The following EPS15L1 variants were observed in gnomAD, a reference collection of about 807,000 sequenced individuals.
EPS15L1 encodes epidermal growth factor receptor pathway substrate 15 like 1.
In EPS15L1, 43 loss-of-function variants were observed where a neutral mutation model predicts 117.1. The observed-to-expected ratio is 0.37, with a 90% CI of 0.29 to 0.47. EPS15L1 has a LOEUF of 0.47. Among genes scored for constraint, EPS15L1 ranks in the 20% least tolerant of loss-of-function variants. The probability of loss-of-function intolerance (pLI) is 0.99; values close to 1 mark genes in which losing one functional copy is unlikely to be tolerated. For synonymous variants in EPS15L1, 459 were observed against 470.5 expected, an observed-to-expected ratio of 0.98 and a Z score of 0.32; for missense variants, 981 against 1,164.0, an observed-to-expected ratio of 0.84 and a Z score of 2.29.
chr19:16,460,940 G>A (rs1488346261), intron 1 of EPS15L1, among the ~76,000 whole-genome samples: 5 of 152,196 alleles, frequency 3.3e-5, no homozygotes, highest in African/African-American at 1.2e-4. Context: ...CCTTTGGAGA[G>A]TGTGAAATGA....
chr19:16,412,966 C>G, intron 13 of EPS15L1: 1 of 670,070 alleles, frequency 1.5e-6, no homozygotes, highest in South Asian at 1.4e-5. Flanking sequence ...ATCAAGGAAT[C>G]TGAGATCATT....
At chr19:16,392,467 A>C (rs2092487849) in intron 18 of EPS15L1, 27 bp from the exon 19 acceptor site, 1 of 1,607,178 alleles carries the variant, frequency 6.2e-7, no homozygotes. Flanking sequence ...CCCATAAGTA[A>C]ACATTATACC....
chr19:16,368,549 G>A (rs892160984), intron 22 of EPS15L1, among the ~76,000 whole-genome samples: 5 of 143,750 alleles, frequency 3.5e-5, no homozygotes, highest in African/African-American at 1.3e-4. Flanking sequence ...CGTTCATCCT[G>A]CACAACATGC....
At position 16,385,188 on chromosome 19, in the gene EPS15L1, A is replaced by C. The variant is rs577517420; in HGVS notation, c.2188T>G (p.Phe730Val). Residue 730 changes from phenylalanine (F) to valine (V), a missense_variant, in exon 21 of 24, where the codon TTC (phenylalanine) becomes GTC (valine). By Grantham distance (50) the Phe-to-Val change is conservative (BLOSUM62 -1). Transcript: ENST00000455140. ...GSDPFGTLDP[F>V]GSGSFNSAEG... ...GCACTATTGAAGGACCCACTTCCGA[A>C]GGGATCTAAGGTTCCAAAGGGATCT... 1.3e-5 allele frequency: 21 copies of C among 1,614,148 alleles called. No homozygotes were observed. The highest frequency in any genetic ancestry group is 6.7e-5 in the Admixed American group (4 of 60,026).
chr19:16,421,351 C>T lies in EPS15L1; in HGVS notation c.918G>A (p.Ser306=), dbSNP rs777537664. The T allele has an allele frequency of 9.9e-6, 16 of 1,613,236 alleles. No homozygotes were observed. Among genetic ancestry groups the T allele is most frequent in the South Asian group, 2.2e-5 (2 of 91,064 alleles). ...GTGCTAGAAGGTTCTGGGTGAGGCCCGAGTGCATGAAGATCTCCTTCACCT... is the reference window on the plus strand; with the variant it reads ...GTGCTAGAAGGTTCTGGGTGAGGCCTGAGTGCATGAAGATCTCCTTCACCT... The part of the protein sequence containing the change: ...GQEVKEIFMH[S]GLTQNLLAHI... The change falls in exon 10 of 24, where the codon TCG becomes TCA. Residue 306 remains serine (S), a synonymous_variant. Transcript: ENST00000455140.
chr19:16,378,529 C>T (rs2092324069), intron 21 of EPS15L1, among the ~76,000 whole-genome samples: 1 of 152,200 alleles, frequency 6.6e-6, no homozygotes, highest in African/African-American at 2.4e-5. Context: ...GGGCTGCTTC[C>T]TGCCACCCAC....
At chr19:16,465,705 G>C (rs2145201066) in intron 1 of EPS15L1, among the ~76,000 whole-genome samples, 1 of 152,212 alleles carries the variant, frequency 6.6e-6, no homozygotes, top group South Asian at 2.1e-4. Context: ...AAGACAATAA[G>C]CAGGCCTTTC....
chr19:16,375,500 G>C (rs1430583028), intron 22 of EPS15L1, among the ~76,000 whole-genome samples: 1 of 151,722 alleles, frequency 6.6e-6, no homozygotes, highest in Admixed American at 6.6e-5. Context: ...GTGTGCTTCT[G>C]CTCCCATCTT....
intron 21 of EPS15L1, among the ~76,000 whole-genome samples, chr19:16,380,449 G>A (rs755630724): frequency 1.1e-4 from 17 of 151,874 alleles, no homozygotes; most frequent in Admixed American, 2.0e-4. Context: ...CAATGCAGCC[G>A]TCTAAGGCTC....
intron 6 of EPS15L1, among the ~76,000 whole-genome samples, chr19:16,436,219 C>T (rs2092976830): frequency 6.6e-6 from 1 of 152,138 alleles, no homozygotes; most frequent in African/African-American, 2.4e-5. Context: ...TATTTGAGAG[C>T]AAGAGTGTTA....
chr19:16,378,128 A>G (rs886294812), intron 21 of EPS15L1, among the ~76,000 whole-genome samples: 4 of 151,818 alleles, frequency 2.6e-5, no homozygotes, highest in African/African-American at 9.7e-5. Context: ...GGATGGATGG[A>G]TGGATGGGCA....
At chr19:16,391,760 G>A (rs1205316116) in intron 19 of EPS15L1, among the ~76,000 whole-genome samples, 3 of 152,064 alleles carry the variant, frequency 2.0e-5, no homozygotes, top group African/African-American at 4.8e-5. Flanking sequence ...AAACTGGAGG[G>A]TCAGAGTTGG....
intron 1 of EPS15L1, among the ~76,000 whole-genome samples, chr19:16,461,700 C>A (rs2093254022): frequency 6.6e-6 from 1 of 152,196 alleles, no homozygotes; most frequent in Admixed American, 6.5e-5. Context: ...TTGTTGATGT[C>A]ACTTACACAA....
At chr19:16,460,117 T>G (rs765787759) in intron 1 of EPS15L1, among the ~76,000 whole-genome samples, 1 of 151,914 alleles carries the variant, frequency 6.6e-6, no homozygotes, top group Non-Finnish European at 1.5e-5. Flanking sequence ...CCTACAAAAA[T>G]TAAAAATCAG....
At position 16,383,388 on chromosome 19, in the gene EPS15L1, G is replaced by C. The variant is rs1031866169; in HGVS notation, c.2247+1741C>G. On this transcript the variant is annotated intron_variant, in intron 21 of 23. Coordinates refer to ENST00000455140, the MANE Select transcript of EPS15L1 (RefSeq NM_001258374.3). This position sits in a 1 kb window ranked among gnomAD's most constrained non-coding sequence, Gnocchi z 5.2. ...GGAAGACAGATCCAGCCTCCCAAAGGAAGAGGAGTCCACTTGCGACAACCA... is the reference window on the plus strand; with the variant it reads ...GGAAGACAGATCCAGCCTCCCAAAGCAAGAGGAGTCCACTTGCGACAACCA... The C allele has an allele frequency of 1.3e-5, 2 of 152,186 alleles. No individual in the cohort carries two copies. Among genetic ancestry groups the C allele is most frequent in the African/African-American group, 2.4e-5 (1 of 41,442 alleles). 9.4% of individuals were successfully genotyped at this position (152,186 alleles called of 1,614,324 possible).
intron 13 of EPS15L1, among the ~76,000 whole-genome samples, chr19:16,410,681 AG>A (rs1414569404): frequency 2.0e-5 from 3 of 152,196 alleles, no homozygotes; most frequent in Non-Finnish European, 4.4e-5. Context: ...AGGCCGAGGC[AG>A]GCAGATTGCT....
chr19:16,426,485 A>T (rs1032139871), intron 8 of EPS15L1, among the ~76,000 whole-genome samples: 1 of 152,180 alleles, frequency 6.6e-6, no homozygotes, highest in African/African-American at 2.4e-5. Context: ...AATTCAAAAA[A>T]AAAATTAGCT....
At position 16,444,562 on chromosome 19, in the gene EPS15L1, T is replaced by G. The variant is rs536073295; in HGVS notation, c.34-2343A>C. Among the ~76,000 whole-genome samples, 13 of 152,256 alleles carry G rather than the reference T, an allele frequency of 8.5e-5. No homozygotes were observed. The East Asian group carries it at 2.5e-3, about 29-fold the overall frequency. ...AGAAAGGAGGCCAAGGCAGGCAGGC[T>G]GTTTGTCATCTGTCAGTAAAGGTGA... is the stretch of plus-strand genomic sequence containing the variant. On this transcript the variant is annotated intron_variant, in intron 1 of 23. Coordinates refer to ENST00000455140, the MANE Select transcript of EPS15L1 (RefSeq NM_001258374.3).
chr19:16,403,638 C>T (rs1599588151), intron 15 of EPS15L1, 95 bp downstream of exon 15: 1 of 1,210,650 alleles, frequency 8.3e-7, no homozygotes, highest in Non-Finnish European at 1.2e-6. Flanking sequence ...ACGTAAGTAA[C>T]AAGGGTGAGA....
Sources: allele counts gnomAD v4.1 joint callset (sites outside exome capture counted in the v4.1 genomes callset), GRCh38; gene constraint gnomAD v4.1.1; non-coding constraint Gnocchi (gnomAD v3.1); transcripts MANE v1.5; gene names NCBI Gene and HGNC (gene_info 2026-07-23, HGNC 2026-07-21).